Variants in COL26A1 observed in about 807,000 individuals in gnomAD.
COL26A1 encodes the protein collagen type XXVI alpha 1 chain, also known as collagen alpha-1(XXVI) chain.
A neutral mutation model predicts 59.3 loss-of-function variants in COL26A1; 41 were observed. The ratio of observed to expected loss-of-function variants is 0.69; its 90% CI spans 0.54 to 0.90. The LOEUF (loss-of-function observed/expected upper bound fraction) is 0.90, where lower values mean the gene tolerates loss of function less well. COL26A1 is among the 40% of genes least tolerant of loss of function. The pLI is 0.00. For missense variants in COL26A1, 612 were observed against 602.3 expected (o/e 1.02, Z -0.17); for synonymous variants, 266 against 256.0 (o/e 1.04, Z -0.37).
intron 3 of COL26A1, among the ~76,000 whole-genome samples, chr7:101,514,772 C>T (rs1794995122): frequency 1.3e-5 from 2 of 152,232 alleles, no homozygotes; most frequent in African/African-American, 4.8e-5. Context: ...GGCTGCCCTT[C>T]CCTTGTACTT....
At chr7:101,409,885 C>T (rs1277302877) in intron 1 of COL26A1, among the ~76,000 whole-genome samples, 2 of 152,156 alleles carry the variant, frequency 1.3e-5, no homozygotes, top group African/African-American at 2.4e-5. Flanking sequence ...TTCAGCCTCC[C>T]GAGTAGCTGG....
rs1796040052 is a variant in COL26A1, at chr7:101,558,729, TC to T, written c.*1201del. On this transcript the variant is annotated 3_prime_UTR_variant, in exon 13 of 13. Transcript: ENST00000313669. ...TCCGTGATCAGCTCAGCCCTGGTGT[TC>T]CTCTCTTGCTGGGCTGGGACCTGGG... 2.6e-5 allele frequency: 4 copies of T among 152,278 alleles called. No individual in the cohort carries two copies. In the South Asian group the frequency reaches 8.3e-4, roughly 32 times the overall value. 9.4% of individuals were successfully genotyped at this position (152,278 alleles called of 1,614,324 possible). A position where few individuals can be genotyped will look rare whatever the true frequency, so the allele number is the denominator to read the frequency against.
At chr7:101,445,859 C>T (rs972744000) in intron 2 of COL26A1, among the ~76,000 whole-genome samples, 2 of 151,208 alleles carry the variant, frequency 1.3e-5, no homozygotes, top group Non-Finnish European at 2.9e-5. Flanking sequence ...AGCATCCTGG[C>T]CAACAAGGTG....
intron 1 of COL26A1, among the ~76,000 whole-genome samples, chr7:101,394,356 C>T (rs1292478341): frequency 1.3e-5 from 2 of 151,298 alleles, no homozygotes; most frequent in African/African-American, 2.5e-5. Context: ...AGATTATAAA[C>T]GTGTGCTGTT....
intron 3 of COL26A1, among the ~76,000 whole-genome samples, chr7:101,477,275 C>A (rs769935344): frequency 6.6e-6 from 1 of 152,008 alleles, no homozygotes; most frequent in Admixed American, 6.6e-5. Context: ...TGTGTGTCTG[C>A]GTGGGATATG....
intron 2 of COL26A1, among the ~76,000 whole-genome samples, chr7:101,430,969 A>T (rs1480063096): frequency 6.6e-6 from 1 of 150,726 alleles, no homozygotes; most frequent in African/African-American, 2.4e-5. Flanking sequence ...AATTTTTTTT[A>T]TTTTTTATTT....
At chr7:101,503,199 G>A (rs982522344) in intron 3 of COL26A1, among the ~76,000 whole-genome samples, 4 of 152,134 alleles carry the variant, frequency 2.6e-5, no homozygotes, top group African/African-American at 7.2e-5. Context: ...GTCCCCTCTC[G>A]CCTCTGTTCT....
intron 1 of COL26A1, among the ~76,000 whole-genome samples, chr7:101,398,465 T>A (rs1791910316): frequency 6.6e-6 from 1 of 152,110 alleles, no homozygotes; most frequent in African/African-American, 2.4e-5. Flanking sequence ...TTATTGGGCT[T>A]ATGGACATGT....
At chr7:101,419,927 G>A in intron 1 of COL26A1, 50 bp from the exon 2 acceptor site, 17 of 1,595,082 alleles carry the variant, frequency 1.1e-5, no homozygotes, top group Non-Finnish European at 1.5e-5. Context: ...ACCCGAAGTT[G>A]GCAGCTCTGG....
chr7:101,536,263 G>A (rs1323582636), intron 4 of COL26A1, among the ~76,000 whole-genome samples: 1 of 152,240 alleles, frequency 6.6e-6, no homozygotes, highest in Non-Finnish European at 1.5e-5. Context: ...TGATCTGCTC[G>A]CCTTGGCCTC....
intron 3 of COL26A1, among the ~76,000 whole-genome samples, chr7:101,501,319 A>T (rs1794703443): frequency 6.6e-6 from 1 of 151,242 alleles, no homozygotes; most frequent in Non-Finnish European, 1.5e-5. Flanking sequence ...ATTAGCTAGG[A>T]GACACGCACA....
At chr7:101,430,663 C>T (rs1164927494) in intron 2 of COL26A1, among the ~76,000 whole-genome samples, 2 of 151,700 alleles carry the variant, frequency 1.3e-5, no homozygotes, top group Non-Finnish European at 2.9e-5. Flanking sequence ...ATATTGATCT[C>T]GTAGCCTGTA....
chr7:101,546,852 T>C (rs1481441024), intron 7 of COL26A1, among the ~76,000 whole-genome samples: 1 of 141,854 alleles, frequency 7.0e-6, no homozygotes, highest in Non-Finnish European at 1.6e-5. Context: ...TGGAAGAAGA[T>C]GCCAGCCTGG....
intron 1 of COL26A1, among the ~76,000 whole-genome samples, chr7:101,365,036 A>G (rs551592712): frequency 6.6e-6 from 1 of 152,310 alleles, no homozygotes; most frequent in Middle Eastern, 3.4e-3. Context: ...GAAGAAATAT[A>G]CAGTCATGGC....
chr7:101,418,777 C>G (rs947550987), intron 1 of COL26A1, among the ~76,000 whole-genome samples: 3 of 152,058 alleles, frequency 2.0e-5, no homozygotes, highest in South Asian at 4.1e-4. Context: ...TTTTCAATTT[C>G]TAGGCTATGG....
Position 101,492,776 on chromosome 7 carries a change from G to A in COL26A1, c.386-40306G>A, listed in dbSNP as rs924611085. Among the ~76,000 whole-genome samples, 93 of 151,902 alleles carry A rather than the reference G, an allele frequency of 6.1e-4. 3 individuals carry two copies. Among genetic ancestry groups the A allele is most frequent in the Admixed American group, 5.9e-3 (90 of 15,250 alleles). ...AAAAATAGAGATGGGGTCTTGTTCT[G>A]TTGCCCAGGCTGGAGTGCAGTGGTG... On this transcript the variant is annotated intron_variant, in intron 3 of 12. Transcript: ENST00000313669.
At chr7:101,551,237 G>GGGGA in intron 10 of COL26A1, 94 bp downstream of exon 10, 1 of 386,366 alleles carries the variant, frequency 2.6e-6, no homozygotes, top group East Asian at 5.8e-5. Context: ...TGGTGGGGGG[G>GGGGA]TTCAGCCCTG....
At chr7:101,489,756 CTCTTTCTTTCTTTCTTTCTTTCTTTCTTT>C (rs1794375478) in intron 3 of COL26A1, among the ~76,000 whole-genome samples, 6 of 77,702 alleles carry the variant, frequency 7.7e-5, no homozygotes, top group Non-Finnish European at 1.1e-4. Context: ...TTTCTTGTCT[CTCTTTCTTTCTTTCTTTCTTTCTTTCTTT>C]CTTTCTTTCT....
At chr7:101,451,072 C>A (rs1394937918) in intron 3 of COL26A1, among the ~76,000 whole-genome samples, 1 of 139,224 alleles carries the variant, frequency 7.2e-6, no homozygotes, top group African/African-American at 2.6e-5. Context: ...ATTCCAGTAA[C>A]ATATAATATA....
Sources: allele counts gnomAD v4.1 joint callset (sites outside exome capture counted in the v4.1 genomes callset), GRCh38; gene constraint gnomAD v4.1.1; transcripts MANE v1.5; gene names NCBI Gene and HGNC (gene_info 2026-07-23, HGNC 2026-07-21).